Variants in MESP1 observed in about 807,000 individuals in gnomAD.
The protein encoded by MESP1 is mesoderm posterior bHLH transcription factor 1.
MESP1 carries 22 observed loss-of-function variants against 15.2 expected under a neutral mutation model. The observed-to-expected ratio is 1.45, with a 90% CI of 1.04 to 2.07. The LOEUF is 2.07. Among genes scored for constraint, MESP1 ranks in the 30% most tolerant of loss-of-function variants. The probability of loss-of-function intolerance (pLI) is 0.00; values close to 1 mark genes in which losing one functional copy is unlikely to be tolerated. For synonymous variants in MESP1, 216 were observed against 192.6 expected (o/e 1.12, Z -1.01); for missense variants, 484 against 411.9 (o/e 1.17, Z -1.51).
chr15:89,750,461 T>C (rs768768544), intron 1 of MESP1, 48 bp downstream of exon 1: 71 of 1,463,278 alleles, frequency 4.9e-5, no homozygotes, highest in Non-Finnish European at 6.3e-5. Flanking sequence ...GCGGTGGGGC[T>C]GTGCGCGGGG....
downstream of MESP1, among the ~76,000 whole-genome samples, chr15:89,746,751 C>A (rs1302412235): frequency 7.6e-6 from 1 of 131,816 alleles, no homozygotes; most frequent in Non-Finnish European, 1.6e-5. Flanking sequence ...ATACACACAG[C>A]CCTACCTCCC....
downstream of MESP1, among the ~76,000 whole-genome samples, chr15:89,748,325 C>T (rs1303983650): frequency 2.6e-5 from 4 of 152,140 alleles, no homozygotes; most frequent in Admixed American, 6.5e-5. Context: ...GGTCCCACCC[C>T]GCTGCAGGCC....
At chr15:89,747,057 C>G (rs1967980733), downstream of MESP1, among the ~76,000 whole-genome samples, 1 of 146,992 alleles carries the variant, frequency 6.8e-6, no homozygotes, top group African/African-American at 2.6e-5. Context: ...CATGCACACA[C>G]ACACACACAG....
chr15:89,737,551 T>A, the MESP1 span: 4 of 1,614,104 alleles, frequency 2.5e-6, no homozygotes, highest in Non-Finnish European at 3.4e-6. Flanking sequence ...GAAGCCCCCC[T>A]CACCATCTCT....
chr15:89,737,359 C>T, the MESP1 span, among the ~76,000 whole-genome samples: 3 of 152,316 alleles, frequency 2.0e-5, no homozygotes, highest in African/African-American at 4.8e-5. Context: ...CTGGAGCAGA[C>T]AGCATGTGGA....
At chr15:89,736,299 G>A in the MESP1 span, among the ~76,000 whole-genome samples, 1 of 152,334 alleles carries the variant, frequency 6.6e-6, no homozygotes, top group East Asian at 1.9e-4. Flanking sequence ...CTTCAGGCCT[G>A]GAGAGAAAGT....
chr15:89,751,075 C>CACGGGGCTCGG lies in MESP1; in HGVS notation c.156_157insCCGAGCCCCGT (p.Ala53ProfsTer21), dbSNP rs763577487. The CACGGGGCTCGG allele has an allele frequency of 0.25, 327,633 of 1,308,024 alleles. 43,563 individuals carry two copies. The highest frequency in any genetic ancestry group is 0.32 in the African/African-American group (21,105 of 65,078). 81.0% of individuals were successfully genotyped at this position (1,308,024 alleles called of 1,614,324 possible). On this transcript the variant is annotated frameshift_variant, in exon 1 of 2. Transcript: ENST00000300057. LOFTEE classifies it high-confidence loss of function. ...AGGGTGCCTGGCCGCGCGGGGCTCG[C>CACGGGGCTCGG]CACGGGGCTGTCGGCTGGGGTGCTG...
chr15:89,734,900 T>C, the MESP1 span, among the ~76,000 whole-genome samples: 4 of 152,242 alleles, frequency 2.6e-5, 1 homozygote, highest in Admixed American at 2.6e-4. Flanking sequence ...GTATATTATT[T>C]AGCTATGCAT....
downstream of MESP1, among the ~76,000 whole-genome samples, chr15:89,748,134 G>A (rs756569036): frequency 2.3e-4 from 35 of 152,244 alleles, no homozygotes; most frequent in Admixed American, 1.6e-3. Context: ...ACTTATCTGT[G>A]AAAAGACTTG....
downstream of MESP1, chr15:89,749,771 C>G (rs76902989): frequency 0.01 from 2,244 of 215,778 alleles, 60 homozygotes; most frequent in African/African-American, 0.048. Flanking sequence ...CTGTGGGGGT[C>G]GGGGGGCTAA....
downstream of MESP1, chr15:89,749,866 A>C: frequency 2.5e-6 from 1 of 404,132 alleles, no homozygotes; most frequent in Non-Finnish European, 4.6e-6. Flanking sequence ...GGAAGAAGAA[A>C]TTGCCAACTG....
chr15:89,740,034 A>T, the MESP1 span, among the ~76,000 whole-genome samples: 1 of 152,160 alleles, frequency 6.6e-6, no homozygotes. Context: ...CAAAAAACAC[A>T]TATTGTGCAC....
At chr15:89,738,232 A>T in the MESP1 span, 3 of 1,604,592 alleles carry the variant, frequency 1.9e-6, no homozygotes, top group African/African-American at 4.0e-5. Context: ...TTTCCTCCAG[A>T]AGAGGTAAAG....
At chr15:89,737,255 A>G in the MESP1 span, among the ~76,000 whole-genome samples, 1 of 152,188 alleles carries the variant, frequency 6.6e-6, no homozygotes, top group East Asian at 1.9e-4. Context: ...CACAGGTGAG[A>G]AATGGAATCT....
the MESP1 span, among the ~76,000 whole-genome samples, chr15:89,740,898 G>A: frequency 6.6e-6 from 1 of 152,070 alleles, no homozygotes; most frequent in Non-Finnish European, 1.5e-5. Flanking sequence ...CCAGCACTTT[G>A]GGAGGCCAAG....
chr15:89,739,872 TC>T, the MESP1 span, among the ~76,000 whole-genome samples: 1 of 152,240 alleles, frequency 6.6e-6, no homozygotes, highest in Admixed American at 6.5e-5. Flanking sequence ...CACGACTATT[TC>T]CCCCTTTCTC....
chr15:89,747,071 C>T (rs1279049595), downstream of MESP1, among the ~76,000 whole-genome samples: 1 of 142,408 alleles, frequency 7.0e-6, no homozygotes, highest in African/African-American at 2.6e-5. Context: ...CACACAGCCC[C>T]GCCGCCACAC....
At position 89,750,992 on chromosome 15, in the gene MESP1, GC is replaced by G; in HGVS notation, c.239del (p.Gly80AlafsTer41). ...GRRGARSSRL[G>X]SGQRQSASER... is the part of the protein sequence containing the mutation. ...CACTGGCGCTCTGCCTCTGCCCGCT[GC>G]CCAGGCGGCTGCTGCGCGCGCCGCG... On this transcript the variant is annotated frameshift_variant, in exon 1 of 2. Transcript: ENST00000300057. LOFTEE classifies it high-confidence loss of function. 7.2e-7 allele frequency: 1 copy of G among 1,390,450 alleles called. No individual in the cohort carries two copies. The allele number at this position is 1,390,450 out of a possible 1,614,324, so 86.1% of individuals were successfully genotyped here. A position where few individuals can be genotyped will look rare whatever the true frequency, so the allele number is the denominator to read the frequency against.
chr15:89,733,194 C>CCCA, the MESP1 span: 1 of 1,613,934 alleles, frequency 6.2e-7, no homozygotes, highest in Non-Finnish European at 8.5e-7. Context: ...GACCCAAGGA[C>CCCA]CCACCATCAG....
Sources: allele counts gnomAD v4.1 joint callset (sites outside exome capture counted in the v4.1 genomes callset), GRCh38; gene constraint gnomAD v4.1.1; transcripts MANE v1.5; gene names NCBI Gene and HGNC (gene_info 2026-07-23, HGNC 2026-07-21).